SPINDOC: variants seen among roughly 807,000 people sequenced by gnomAD.
The protein encoded by SPINDOC is spindlin interactor and repressor of chromatin binding, also known as spindlin interactor and repressor of chromatin-binding protein.
SPINDOC carries 13 observed loss-of-function variants against 30.7 expected under a neutral mutation model. That is an observed-to-expected ratio of 0.42 (90% CI 0.28 to 0.67). SPINDOC has a LOEUF of 0.67. Among genes scored for constraint, SPINDOC ranks in the 30% least tolerant of loss-of-function variants. The pLI is 0.22. For missense variants in SPINDOC, 438 were observed against 518.0 expected (o/e 0.85, Z 1.50); for synonymous variants, 228 against 211.4 (o/e 1.08, Z -0.68).
At chr11:63,822,618 T>C (rs1375712280) in intron 5 of SPINDOC, 1 of 1,289,112 alleles carries the variant, frequency 7.8e-7, no homozygotes, top group South Asian at 1.2e-5. Context: ...ATCACAGTTT[T>C]AACTGTCTCA....
intron 5 of SPINDOC, among the ~76,000 whole-genome samples, chr11:63,823,851 A>G (rs2015590353): frequency 6.7e-6 from 1 of 148,792 alleles, no homozygotes; most frequent in African/African-American, 2.5e-5. Flanking sequence ...GCCCGCCTCA[A>G]CCTCCCAAAA....
At chr11:63,814,147 G>A (rs2015275258) in intron 1 of SPINDOC, among the ~76,000 whole-genome samples, 1 of 152,248 alleles carries the variant, frequency 6.6e-6, no homozygotes, top group Non-Finnish European at 1.5e-5. Flanking sequence ...AGAGGCGCTG[G>A]GTGGTTGCGG....
intron 5 of SPINDOC, among the ~76,000 whole-genome samples, chr11:63,821,698 T>C (rs2015524784): frequency 6.6e-6 from 1 of 152,220 alleles, no homozygotes; most frequent in South Asian, 2.1e-4. Flanking sequence ...CATAGAATGA[T>C]GGCCAACGAG....
chr11:63,823,847 C>G (rs1406757131), intron 5 of SPINDOC, among the ~76,000 whole-genome samples: 1 of 152,002 alleles, frequency 6.6e-6, no homozygotes, highest in Admixed American at 6.6e-5. Flanking sequence ...ATCTGCCCGC[C>G]TCAACCTCCC....
At position 63,813,819 on chromosome 11, in the gene SPINDOC, G is replaced by A. The variant is rs1191921559; in HGVS notation, c.127+6G>A. ...GCCCGAGCCGATGCTCAGAGGTGAG[G>A]ATGGAGGGGATTCCACTTCCGCGTC... is the stretch of plus-strand genomic sequence containing the variant. On this transcript the variant is annotated splice_donor_region_variant and intron_variant, in intron 1 of 5. Transcript: ENST00000294244. The A allele has an allele frequency of 6.5e-7, 1 of 1,534,608 alleles. No homozygotes were observed. The highest frequency in any genetic ancestry group is 1.4e-5 in the African/African-American group (1 of 70,652).
rs759067629 is a variant in SPINDOC at position 63,816,680 on chromosome 11, G to T, written c.128-1125G>T. Among the ~76,000 whole-genome samples the T allele has an allele frequency of 2.0e-5, 3 of 150,352 alleles. No individual in the cohort carries two copies. In the East Asian group the frequency reaches 5.8e-4, roughly 29 times the overall value. ...AGCCGTGAAGGATCATGGGCACTTC[G>T]TAAAAGCACTGAGCTTCCAGGCTGA... On this transcript the variant is annotated intron_variant, in intron 1 of 5. Transcript: ENST00000294244.
intron 5 of SPINDOC, chr11:63,823,452 T>A: frequency 1.6e-6 from 1 of 638,822 alleles, no homozygotes; most frequent in Non-Finnish European, 2.2e-6. Context: ...AATGTGAATG[T>A]GAGGTAGTCC....
intron 1 of SPINDOC, among the ~76,000 whole-genome samples, chr11:63,814,143 G>C (rs2015275167): frequency 6.6e-6 from 1 of 152,212 alleles, no homozygotes; most frequent in African/African-American, 2.4e-5. Context: ...CCCCAGAGGC[G>C]CTGGGTGGTT....
At chr11:63,815,853 C>T (rs1164912822) in intron 1 of SPINDOC, among the ~76,000 whole-genome samples, 2 of 151,552 alleles carry the variant, frequency 1.3e-5, no homozygotes, top group Non-Finnish European at 2.9e-5. Context: ...CTGCAACCTT[C>T]GCCTCCCGGG....
intron 5 of SPINDOC, among the ~76,000 whole-genome samples, chr11:63,825,554 G>A (rs2015634860): frequency 6.6e-6 from 1 of 152,182 alleles, no homozygotes; most frequent in Admixed American, 6.5e-5. Context: ...AGTCCCAGAA[G>A]GCCACTTAGG....
chr11:63,823,174 GC>G, intron 5 of SPINDOC: 1 of 1,289,066 alleles, frequency 7.8e-7, no homozygotes, highest in Non-Finnish European at 1.0e-6. Flanking sequence ...AAAACCAGGG[GC>G]CCCCGTGGCG....
chr11:63,827,031 C>G lies in SPINDOC; in HGVS notation c.1038C>G (p.Pro346=), dbSNP rs2015670631. ...TCCTGCAAGACTGGTCCAGGCACCC[C>G]CAGGGCACCAAGCGTGTGGGAGCAG... ...VSLLQDWSRH[P]QGTKRVGAGD... The change falls in exon 6 of 6, where the codon CCC becomes CCG. Residue 346 remains proline, a synonymous_variant. Transcript: ENST00000294244. 1 of 1,614,192 alleles carries G rather than the reference C, an allele frequency of 6.2e-7. No individual in the cohort carries two copies. The highest frequency in any genetic ancestry group is 8.5e-7 in the Non-Finnish European group (1 of 1,180,032).
intron 5 of SPINDOC, chr11:63,822,456 G>T: frequency 1.7e-5 from 8 of 470,888 alleles, no homozygotes; most frequent in Non-Finnish European, 2.3e-5. Flanking sequence ...GTTTTTCTTT[G>T]TGTTCACTGC....
At chr11:63,820,720 T>C (rs187775124) in intron 5 of SPINDOC, among the ~76,000 whole-genome samples, 2,028 of 149,686 alleles carry the variant, frequency 0.014, 24 homozygotes, top group Non-Finnish European at 0.021. Context: ...TGAAACCCCG[T>C]CTCTACTAAA....
In SPINDOC at chr11:63,818,375, C is replaced by T. The variant is rs1249703871; in HGVS notation, c.607+10C>T. On this transcript the variant is annotated intron_variant, in intron 3 of 5. Transcript: ENST00000294244. This position sits in a 1 kb window ranked among gnomAD's most constrained non-coding sequence, Gnocchi z 5.3. ...CCCCTCGAGCTTCCTGGTTAGTCAA[C>T]AGAGAAGCCAGTGAGCCCCGGTGGA... 5.0e-6 allele frequency: 8 copies of T among 1,612,968 alleles called. No homozygotes were observed. Among genetic ancestry groups the T allele is most frequent in the East Asian group, 2.2e-5 (1 of 44,854 alleles).
chr11:63,825,172 C>T (rs2015624171), intron 5 of SPINDOC, among the ~76,000 whole-genome samples: 1 of 152,208 alleles, frequency 6.6e-6, no homozygotes, highest in Non-Finnish European at 1.5e-5. Flanking sequence ...CCTTTCTGTG[C>T]TGCTCCTGTT....
chr11:63,827,584 A>C lies in SPINDOC; in HGVS notation c.*445A>C. The C allele has an allele frequency of 4.8e-6, 1 of 209,146 alleles. No individual in the cohort carries two copies. The highest frequency in any genetic ancestry group is 9.3e-5 in the South Asian group (1 of 10,778). The allele number at this position is 209,146 out of a possible 1,614,324, so 13.0% of individuals were successfully genotyped here. A position where few individuals can be genotyped will look rare whatever the true frequency, so the allele number is the denominator to read the frequency against. Reference sequence around the variant, plus strand: ...GCTTCTAAACCAGGAGGCCTCCATTACCTCTTCCTGTCCCACCCCTGCAGA... The same window carrying C: ...GCTTCTAAACCAGGAGGCCTCCATTCCCTCTTCCTGTCCCACCCCTGCAGA... On this transcript the variant is annotated 3_prime_UTR_variant, in exon 6 of 6. Coordinates refer to ENST00000294244, the MANE Select transcript of SPINDOC (RefSeq NM_138471.3).
At chr11:63,823,060 G>A (rs759307133) in intron 5 of SPINDOC, 3 of 1,131,462 alleles carry the variant, frequency 2.7e-6, no homozygotes, top group Non-Finnish European at 3.6e-6. Context: ...TGTTCCTGGA[G>A]CCTGTGCCCG....
intron 1 of SPINDOC, 94 bp from the exon 2 acceptor site, chr11:63,817,711 C>A: frequency 2.6e-6 from 3 of 1,156,752 alleles, no homozygotes; most frequent in South Asian, 1.6e-5. Flanking sequence ...CTCTCCTCCC[C>A]CATCCCACTC....
Sources: allele counts gnomAD v4.1 joint callset (sites outside exome capture counted in the v4.1 genomes callset), GRCh38; gene constraint gnomAD v4.1.1; non-coding constraint Gnocchi (gnomAD v3.1); transcripts MANE v1.5; gene names NCBI Gene and HGNC (gene_info 2026-07-23, HGNC 2026-07-21).